The following CFAP61 variants were observed in gnomAD, a reference collection of about 807,000 sequenced individuals.
CFAP61 encodes cilia and flagella associated protein 61.
A neutral mutation model predicts 135.6 loss-of-function variants in CFAP61; 107 were observed. The observed-to-expected ratio is 0.79, with a 90% CI of 0.67 to 0.93. The LOEUF is 0.93. Among genes scored for constraint, CFAP61 ranks in the 40% least tolerant of loss-of-function variants. The pLI is 0.00. For missense variants in CFAP61, 1,507 were observed against 1,556.2 expected (o/e 0.97, Z 0.53); for synonymous variants, 575 against 578.5 (o/e 0.99, Z 0.09).
chr20:20,286,706 A>G (rs1007323482), intron 22 of CFAP61, among the ~76,000 whole-genome samples: 1 of 152,224 alleles, frequency 6.6e-6, no homozygotes. Context: ...GTTCTTATTA[A>G]CAATGTTGGA....
intron 21 of CFAP61, among the ~76,000 whole-genome samples, chr20:20,270,108 A>AT (rs1269414257): frequency 6.6e-6 from 1 of 152,248 alleles, no homozygotes; most frequent in Non-Finnish European, 1.5e-5. Context: ...TTTAAAATAT[A>AT]TAAACTATAA....
At chr20:20,109,880 A>G (rs933605259) in intron 8 of CFAP61, among the ~76,000 whole-genome samples, 2 of 148,658 alleles carry the variant, frequency 1.3e-5, no homozygotes, top group African/African-American at 2.5e-5. Flanking sequence ...TGTTCTTCCT[A>G]TTCTAATTGT....
intron 19 of CFAP61, among the ~76,000 whole-genome samples, chr20:20,251,149 A>G (rs979578371): frequency 1.3e-5 from 2 of 152,242 alleles, no homozygotes; most frequent in Admixed American, 1.3e-4. Flanking sequence ...GGTTCTCGGT[A>G]TTCAAAGATT....
intron 25 of CFAP61, 119 bp downstream of exon 25, chr20:20,298,505 T>A: frequency 2.5e-6 from 2 of 813,248 alleles, no homozygotes; most frequent in Non-Finnish European, 3.9e-6. Flanking sequence ...AGAGAGGCTG[T>A]GTGGCAGAGA....
chr20:20,138,671 T>C (rs772145283), intron 8 of CFAP61, among the ~76,000 whole-genome samples: 3 of 152,240 alleles, frequency 2.0e-5, no homozygotes, highest in Non-Finnish European at 2.9e-5. Context: ...GATAGTGTGA[T>C]CACTCCCCTG....
intron 8 of CFAP61, among the ~76,000 whole-genome samples, chr20:20,120,082 A>G (rs1034178952): frequency 2.0e-5 from 3 of 152,214 alleles, no homozygotes; most frequent in Non-Finnish European, 4.4e-5. Flanking sequence ...TATACTGTGC[A>G]TGTGTCTTTA....
Position 20,052,608 on chromosome 20 carries a change from T to C in CFAP61, c.-37+17T>C. 1 of 1,613,772 alleles carries C rather than the reference T, an allele frequency of 6.2e-7. No individual in the cohort carries two copies. Among genetic ancestry groups the C allele is most frequent in the Non-Finnish European group, 8.5e-7 (1 of 1,179,852 alleles). On this transcript the variant is annotated intron_variant, in intron 1 of 26. Coordinates refer to ENST00000245957, the MANE Select transcript of CFAP61 (RefSeq NM_015585.4). ...GCGGATGAGGTGGGTAACGCCGTGC[T>C]GACTAGCAGCGACGCAAGGACTGCG...
chr20:20,098,926 G>A, intron 8 of CFAP61, 112 bp downstream of exon 8: 1 of 984,804 alleles, frequency 1.0e-6, no homozygotes, highest in Non-Finnish European at 1.5e-6. Flanking sequence ...TCCTTCCCCA[G>A]TTCCCCTTAA....
intron 26 of CFAP61, among the ~76,000 whole-genome samples, chr20:20,353,411 C>G (rs1048721087): frequency 3.3e-5 from 5 of 152,110 alleles, no homozygotes; most frequent in African/African-American, 1.2e-4. Context: ...TGCTTTGTAC[C>G]CTGAGCTGCC....
intron 10 of CFAP61, among the ~76,000 whole-genome samples, chr20:20,163,462 A>G (rs1331071187): frequency 5.9e-5 from 9 of 152,178 alleles, no homozygotes; most frequent in Non-Finnish European, 1.5e-5. Context: ...TGGAGTTATT[A>G]TAATATGTAT....
chr20:20,310,217 C>T (rs1290863401), intron 25 of CFAP61, among the ~76,000 whole-genome samples: 1 of 152,168 alleles, frequency 6.6e-6, no homozygotes, highest in Non-Finnish European at 1.5e-5. Flanking sequence ...TGGTCTCAAA[C>T]TCCTGATCTC....
intron 24 of CFAP61, among the ~76,000 whole-genome samples, chr20:20,296,394 C>G (rs2055594812): frequency 7.9e-5 from 9 of 113,686 alleles, no homozygotes; most frequent in Non-Finnish European, 1.6e-4. Flanking sequence ...CTCCCTCCTT[C>G]CTGCCTTCCT....
chr20:20,137,337 A>G (rs1409855770), intron 8 of CFAP61, among the ~76,000 whole-genome samples: 1 of 152,216 alleles, frequency 6.6e-6, no homozygotes, highest in African/African-American at 2.4e-5. Flanking sequence ...CTTAAGGGCA[A>G]CAAGTTCCCC....
intron 7 of CFAP61, among the ~76,000 whole-genome samples, chr20:20,098,376 G>A (rs551246311): frequency 1.3e-5 from 2 of 152,056 alleles, no homozygotes; most frequent in African/African-American, 4.8e-5. Flanking sequence ...TTGGGAGGCC[G>A]AGGTGGGTGG....
At chr20:20,219,813 T>G (rs74969658) in intron 17 of CFAP61, among the ~76,000 whole-genome samples, 2,000 of 152,320 alleles carry the variant, frequency 0.013, 41 homozygotes, top group African/African-American at 0.045. Context: ...TGTGATAAAA[T>G]AAATATACAT....
chr20:20,081,855 T>C (rs7271269), intron 6 of CFAP61, among the ~76,000 whole-genome samples: 7,136 of 152,288 alleles, frequency 0.047, 556 homozygotes, highest in African/African-American at 0.16. Context: ...TGACAGTGGG[T>C]ACTTTGCAGT....
chr20:20,102,682 T>C (rs967572629), intron 8 of CFAP61, among the ~76,000 whole-genome samples: 1 of 152,140 alleles, frequency 6.6e-6, no homozygotes, highest in Admixed American at 6.5e-5. Flanking sequence ...CCCCTTTATG[T>C]GTCCATGGAC....
At chr20:20,218,537 A>G (rs1287065984) in intron 17 of CFAP61, among the ~76,000 whole-genome samples, 1 of 152,208 alleles carries the variant, frequency 6.6e-6, no homozygotes, top group African/African-American at 2.4e-5. Context: ...AGCCTAAACT[A>G]CTGACCTACA....
chr20:20,294,236 C>T (rs2055224160), intron 24 of CFAP61, among the ~76,000 whole-genome samples: 1 of 152,194 alleles, frequency 6.6e-6, no homozygotes, highest in African/African-American at 2.4e-5. Context: ...GAGCAGCTTT[C>T]TATGAGCAAT....
Sources: gnomAD v4.1 joint callset for allele counts (sites outside exome capture counted in the v4.1 genomes callset) on GRCh38, gnomAD v4.1.1 for gene constraint, MANE v1.5 for transcripts, NCBI Gene and HGNC (gene_info 2026-07-23, HGNC 2026-07-21) for gene names.